The following PEX5L variants were observed in gnomAD, a reference collection of about 807,000 sequenced individuals.
The protein encoded by PEX5L is PEX5-related protein.
Under a neutral mutation model 84.0 loss-of-function variants are expected in PEX5L, and 30 were observed. The observed-to-expected ratio is 0.36, with a 90% CI of 0.27 to 0.48. PEX5L has a LOEUF of 0.48. Among genes scored for constraint, PEX5L ranks in the 20% least tolerant of loss-of-function variants. The probability of loss-of-function intolerance (pLI) is 0.99; values close to 1 mark genes in which losing one functional copy is unlikely to be tolerated. For missense variants in PEX5L, 533 were observed against 754.6 expected (o/e 0.71, Z 3.44); for synonymous variants, 270 against 283.1 (o/e 0.95, Z 0.46).
At chr3:179,864,792 A>C (rs1222650248) in intron 7 of PEX5L, among the ~76,000 whole-genome samples, 2 of 152,326 alleles carry the variant, frequency 1.3e-5, no homozygotes, top group African/African-American at 4.8e-5. Flanking sequence ...TACATGATAA[A>C]TATATAAAAT....
At chr3:179,998,113 C>A (rs999142232) in intron 1 of PEX5L, among the ~76,000 whole-genome samples, 3 of 152,164 alleles carry the variant, frequency 2.0e-5, no homozygotes, top group African/African-American at 7.2e-5. Context: ...AATTCAGGGA[C>A]CTTCTACCTC....
chr3:179,946,982 TTG>T (rs1777727024), intron 2 of PEX5L, among the ~76,000 whole-genome samples: 1 of 152,218 alleles, frequency 6.6e-6, no homozygotes, highest in Non-Finnish European at 1.5e-5. Context: ...TGGGTATGTA[TTG>T]AGTAGCCTGG....
At chr3:179,833,071 C>G (rs1240177069) in intron 8 of PEX5L, among the ~76,000 whole-genome samples, 1 of 152,206 alleles carries the variant, frequency 6.6e-6, no homozygotes, top group Non-Finnish European at 1.5e-5. Context: ...TTAGGACATC[C>G]AGTCCAACTC....
intron 2 of PEX5L, among the ~76,000 whole-genome samples, chr3:179,962,146 A>G (rs1450342288): frequency 3.1e-5 from 2 of 64,054 alleles, no homozygotes; most frequent in Admixed American, 2.3e-4. Flanking sequence ...ATCTTTTTAT[A>G]AAAATCTATC....
At chr3:179,836,132 G>A (rs368360672) in intron 8 of PEX5L, among the ~76,000 whole-genome samples, 50 of 152,148 alleles carry the variant, frequency 3.3e-4, no homozygotes, top group South Asian at 2.5e-3. Flanking sequence ...TGTAAAAACC[G>A]TTGCTCGTCA....
At chr3:179,998,851 C>T (rs1294184677) in intron 1 of PEX5L, among the ~76,000 whole-genome samples, 1 of 152,224 alleles carries the variant, frequency 6.6e-6, no homozygotes, top group African/African-American at 2.4e-5. Context: ...CCAGCCTGCA[C>T]CAATGGCCTC....
chr3:179,922,097 G>A (rs972629438), intron 2 of PEX5L, among the ~76,000 whole-genome samples: 14 of 151,822 alleles, frequency 9.2e-5, no homozygotes, highest in East Asian at 3.9e-4. Flanking sequence ...TCACTAGACC[G>A]ACTTGTAACT....
chr3:179,830,248 T>C (rs868264878), intron 8 of PEX5L, among the ~76,000 whole-genome samples: 1 of 152,072 alleles, frequency 6.6e-6, no homozygotes, highest in Admixed American at 6.5e-5. Context: ...TTATATTGTA[T>C]TGATCATATT....
chr3:179,810,936 G>A (rs1039722877), intron 11 of PEX5L, among the ~76,000 whole-genome samples: 2 of 152,138 alleles, frequency 1.3e-5, no homozygotes, highest in African/African-American at 4.8e-5. Flanking sequence ...GAGGGTTCAA[G>A]TTCTGTCTCT....
intron 7 of PEX5L, among the ~76,000 whole-genome samples, chr3:179,870,266 T>C (rs1749824098): frequency 6.6e-6 from 1 of 152,200 alleles, no homozygotes; most frequent in African/African-American, 2.4e-5. Context: ...CATTAAGATA[T>C]TTTTCAGACC....
At chr3:179,858,370 C>G (rs1744797882) in intron 8 of PEX5L, among the ~76,000 whole-genome samples, 1 of 152,092 alleles carries the variant, frequency 6.6e-6, no homozygotes, top group African/African-American at 2.4e-5. Flanking sequence ...ATTAAAAAAA[C>G]AGCAAAAGTT....
intron 10 of PEX5L, among the ~76,000 whole-genome samples, chr3:179,813,317 C>T (rs1724608371): frequency 6.6e-6 from 1 of 152,090 alleles, no homozygotes; most frequent in East Asian, 1.9e-4. Flanking sequence ...ATTTATGAAT[C>T]TGAGATCGTA....
At chr3:179,831,085 A>T (rs1732680683) in intron 8 of PEX5L, among the ~76,000 whole-genome samples, 1 of 152,186 alleles carries the variant, frequency 6.6e-6, no homozygotes, top group Non-Finnish European at 1.5e-5. Context: ...TGGGAGACTG[A>T]GGCAGGTGGA....
chr3:179,803,518 T>G (rs1719934902), intron 14 of PEX5L, among the ~76,000 whole-genome samples: 1 of 152,218 alleles, frequency 6.6e-6, no homozygotes, highest in South Asian at 2.1e-4. Flanking sequence ...TAGTCCACTC[T>G]GTTGCTCAGG....
At chr3:179,809,112 T>C (rs575913806) in intron 12 of PEX5L, among the ~76,000 whole-genome samples, 8 of 130,146 alleles carry the variant, frequency 6.1e-5, no homozygotes, top group African/African-American at 2.2e-4. Context: ...AAAACAAAAT[T>C]TCTAGAAGAC....
At chr3:179,971,706 C>T in intron 1 of PEX5L, 41 bp from the exon 2 acceptor site, 4 of 1,520,640 alleles carry the variant, frequency 2.6e-6, no homozygotes, top group Non-Finnish European at 3.6e-6. Context: ...TAGTTTCTAT[C>T]CATTAACAAT....
chr3:179,822,418 TG>T (rs1260590453), intron 8 of PEX5L, among the ~76,000 whole-genome samples: 4 of 152,360 alleles, frequency 2.6e-5, no homozygotes, highest in South Asian at 2.1e-4. Flanking sequence ...GTAGAGCTGC[TG>T]GGCTCTCACT....
At chr3:180,019,413 C>T (rs1327188244) in intron 1 of PEX5L, among the ~76,000 whole-genome samples, 3 of 152,154 alleles carry the variant, frequency 2.0e-5, no homozygotes, top group South Asian at 2.1e-4. Flanking sequence ...TGCTAACATT[C>T]TATAAAAGTG....
In PEX5L at chr3:179,888,750, G is replaced by GT. The variant is rs199591725; in HGVS notation, c.199-967dup. On this transcript the variant is annotated intron_variant, in intron 3 of 14. Transcript: ENST00000467460. ...AAAAGACACACCTCATAATCTTTAG[G>GT]TTTTTTTGTTTTGTTTTGTTTTTTG... 3.6e-3 allele frequency among the ~76,000 whole-genome samples: 549 copies of GT among 151,388 alleles called. 2 individuals carry two copies. The highest frequency in any genetic ancestry group is 0.012 in the African/African-American group (506 of 41,108).
Sources: allele counts gnomAD v4.1 joint callset (sites outside exome capture counted in the v4.1 genomes callset), GRCh38; gene constraint gnomAD v4.1.1; transcripts MANE v1.5; gene names NCBI Gene and HGNC (gene_info 2026-07-23, HGNC 2026-07-21).